SRPK2: variants seen among roughly 807,000 people sequenced by gnomAD.
The protein encoded by SRPK2 is SRSF protein kinase 2.
SRPK2 carries 21 observed loss-of-function variants against 90.8 expected under a neutral mutation model. The ratio of observed to expected loss-of-function variants is 0.23; its 90% CI spans 0.16 to 0.33. The LOEUF (loss-of-function observed/expected upper bound fraction) is 0.33, where lower values mean the gene tolerates loss of function less well. Among genes scored for constraint, SRPK2 ranks in the 10% least tolerant of loss-of-function variants. The probability of loss-of-function intolerance (pLI) is 1.00; values close to 1 mark genes in which losing one functional copy is unlikely to be tolerated. For synonymous variants in SRPK2, 288 were observed against 311.1 expected, an observed-to-expected ratio of 0.93 and a Z score of 0.78; for missense variants, 620 against 869.0, an observed-to-expected ratio of 0.71 and a Z score of 3.60.
intron 2 of SRPK2, among the ~76,000 whole-genome samples, chr7:105,305,943 T>C (rs1026291941): frequency 1.3e-5 from 2 of 151,942 alleles, no homozygotes; most frequent in African/African-American, 4.8e-5. Context: ...TAAATAGGGG[T>C]TCTTTAGTAC....
intron 2 of SRPK2, among the ~76,000 whole-genome samples, chr7:105,338,989 T>C (rs1308931217): frequency 6.6e-6 from 1 of 152,174 alleles, no homozygotes; most frequent in Non-Finnish European, 1.5e-5. Flanking sequence ...AACTCAATAT[T>C]GTCCCTGATT....
At chr7:105,369,451 A>G (rs1275903451) in intron 2 of SRPK2, among the ~76,000 whole-genome samples, 1 of 152,096 alleles carries the variant, frequency 6.6e-6, no homozygotes, top group Non-Finnish European at 1.5e-5. Flanking sequence ...CCCGGCCTAC[A>G]CAAGATTTTA....
At chr7:105,389,276 G>C, upstream of SRPK2, 1 of 1,274,522 alleles carries the variant, frequency 7.8e-7, no homozygotes, top group Non-Finnish European at 1.0e-6. Flanking sequence ...TGCTCCATGC[G>C]CCCGTCCTTG....
At chr7:105,236,162 G>A (rs1800111541) in intron 2 of SRPK2, among the ~76,000 whole-genome samples, 1 of 152,164 alleles carries the variant, frequency 6.6e-6, no homozygotes, top group African/African-American at 2.4e-5. Flanking sequence ...CTCAGGTGCT[G>A]CAGATGCCAC....
chr7:105,190,616 T>C (rs891263710), intron 3 of SRPK2, among the ~76,000 whole-genome samples: 1 of 152,204 alleles, frequency 6.6e-6, no homozygotes. Flanking sequence ...ATCACAGAGT[T>C]TGGGGGTCCC....
downstream of SRPK2, chr7:105,115,397 C>T (rs951772032): frequency 6.6e-6 from 1 of 152,200 alleles, no homozygotes; most frequent in African/African-American, 2.4e-5. Context: ...CTTTTCTCTG[C>T]CTTTGGGCAG....
At chr7:105,368,213 T>TA (rs1410877332) in intron 2 of SRPK2, among the ~76,000 whole-genome samples, 1 of 152,140 alleles carries the variant, frequency 6.6e-6, no homozygotes, top group Non-Finnish European at 1.5e-5. Context: ...AAAGCTAAAG[T>TA]AAAAAACATG....
intron 15 of SRPK2, chr7:105,125,961 G>C: frequency 4.2e-6 from 3 of 722,354 alleles, no homozygotes; most frequent in Middle Eastern, 3.6e-4. Context: ...CGCCCGCGCA[G>C]ACAGAAACAG....
chr7:105,143,226 T>C lies in SRPK2; in HGVS notation c.918A>G (p.Arg306=). 6.2e-7 allele frequency: 1 copy of C among 1,614,246 alleles called. No individual in the cohort carries two copies. The highest frequency in any genetic ancestry group is 1.1e-5 in the South Asian group (1 of 91,088). The change falls in exon 10 of 16, where the codon CGA becomes CGG. Residue 306 remains arginine (R), a synonymous_variant. Coordinates refer to ENST00000393651, the MANE Select transcript of SRPK2 (RefSeq NM_182692.3). ...CTTCTATTATTTTCCTTTCAGCTTC[T>C]CGCTCCAATTCTTCTATCTCCTGCA... ...KRLQEIEELE[R]EAERKIIEEN...
intron 2 of SRPK2, among the ~76,000 whole-genome samples, chr7:105,357,018 T>C (rs1272046064): frequency 1.3e-5 from 2 of 152,222 alleles, no homozygotes; most frequent in East Asian, 1.9e-4. Context: ...CATCACTTGA[T>C]TTTTTTAGGT....
At chr7:105,214,011 C>T (rs1797158886) in intron 2 of SRPK2, among the ~76,000 whole-genome samples, 1 of 152,152 alleles carries the variant, frequency 6.6e-6, no homozygotes, top group African/African-American at 2.4e-5. Flanking sequence ...AATCCTAAAC[C>T]TGTGTTACAC....
At position 105,176,557 on chromosome 7, in the gene SRPK2, ATGTGTG is replaced by A. The variant is rs10691783; in HGVS notation, c.230-7298_230-7293del. ...CAGAGATGTATGTGGTTTTGCATAT[ATGTGTG>A]TGTGTGTGTGTGTGTGTATGTATAT... is the stretch of plus-strand genomic sequence containing the variant. On this transcript the variant is annotated intron_variant, in intron 3 of 15. Transcript: ENST00000393651. 1.8e-4 allele frequency among the ~76,000 whole-genome samples: 26 copies of A among 148,128 alleles called. No homozygotes were observed. The South Asian group carries it at 3.8e-3, about 22-fold the overall frequency.
intron 3 of SRPK2, among the ~76,000 whole-genome samples, chr7:105,186,633 T>A (rs1793615496): frequency 1.3e-5 from 2 of 152,204 alleles, no homozygotes; most frequent in South Asian, 2.1e-4. Context: ...TCTTCTACTA[T>A]CCCTTCTACT....
At chr7:105,259,118 G>C (rs1803812539) in intron 2 of SRPK2, among the ~76,000 whole-genome samples, 1 of 152,202 alleles carries the variant, frequency 6.6e-6, no homozygotes, top group Non-Finnish European at 1.5e-5. Context: ...CAGATGACAT[G>C]ATTGTATATT....
intron 2 of SRPK2, among the ~76,000 whole-genome samples, chr7:105,211,395 T>C (rs1325070934): frequency 1.3e-5 from 2 of 152,038 alleles, no homozygotes; most frequent in Non-Finnish European, 2.9e-5. Context: ...GACTGGGTAA[T>C]TTATAAAGAA....
intron 2 of SRPK2, among the ~76,000 whole-genome samples, chr7:105,335,043 T>G (rs1814927753): frequency 6.6e-6 from 1 of 151,808 alleles, no homozygotes; most frequent in South Asian, 2.1e-4. Context: ...TGGTGGCACA[T>G]GCCTGTAATC....
intron 7 of SRPK2, among the ~76,000 whole-genome samples, chr7:105,150,793 G>C (rs1196429443): frequency 6.6e-6 from 1 of 152,122 alleles, no homozygotes; most frequent in Admixed American, 6.5e-5. Context: ...AAAGGAATAC[G>C]ATTTTTGAAA....
At chr7:105,134,700 G>A (rs374806202) in intron 11 of SRPK2, among the ~76,000 whole-genome samples, 4 of 152,340 alleles carry the variant, frequency 2.6e-5, no homozygotes, top group East Asian at 3.9e-4. Flanking sequence ...GCAACTTGCC[G>A]TAAGGCAGTG....
At chr7:105,270,389 T>G (rs1805669500) in intron 2 of SRPK2, among the ~76,000 whole-genome samples, 1 of 146,818 alleles carries the variant, frequency 6.8e-6, no homozygotes. Context: ...TGCCTTGGAT[T>G]TAGGAACAGC....
Sources: gnomAD v4.1 joint callset for allele counts (sites outside exome capture counted in the v4.1 genomes callset) on GRCh38, gnomAD v4.1.1 for gene constraint, MANE v1.5 for transcripts, NCBI Gene and HGNC (gene_info 2026-07-23, HGNC 2026-07-21) for gene names.